PLD5: variants seen among roughly 807,000 people sequenced by gnomAD.
PLD5 encodes inactive phospholipase D5.
PLD5 carries 36 observed loss-of-function variants against 61.1 expected under a neutral mutation model. That is an observed-to-expected ratio of 0.59 (90% CI 0.45 to 0.78). The LOEUF (loss-of-function observed/expected upper bound fraction) is 0.78. Ranked by LOEUF, PLD5 falls within the 30% of genes least tolerant of loss-of-function variation. PLD5 has a pLI of 0.00. For missense variants in PLD5, 515 were observed against 644.4 expected (o/e 0.80, Z 2.17); for synonymous variants, 243 against 242.8 (o/e 1.00, Z -0.01).
intron 2 of PLD5, among the ~76,000 whole-genome samples, chr1:242,296,991 G>A (rs1416522911): frequency 1.3e-5 from 2 of 152,152 alleles, no homozygotes; most frequent in Non-Finnish European, 2.9e-5. Context: ...GGGATTACAG[G>A]CACACACTAC....
At chr1:242,125,824 C>A (rs1301369011) in intron 5 of PLD5, among the ~76,000 whole-genome samples, 3 of 152,130 alleles carry the variant, frequency 2.0e-5, no homozygotes, top group Admixed American at 1.3e-4. Context: ...CTCCCCAGTA[C>A]AACATGGCCT....
At chr1:242,180,186 A>G (rs1667433702) in intron 5 of PLD5, among the ~76,000 whole-genome samples, 1 of 152,176 alleles carries the variant, frequency 6.6e-6, no homozygotes, top group Admixed American at 6.5e-5. Context: ...TAGGGCACTC[A>G]TTGTGAGATG....
chr1:242,455,553 G>C (rs1002590116), intron 1 of PLD5, among the ~76,000 whole-genome samples: 5 of 152,182 alleles, frequency 3.3e-5, no homozygotes, highest in African/African-American at 1.2e-4. Context: ...AAAGGCAGCA[G>C]CCAGGTTCAG....
intron 2 of PLD5, among the ~76,000 whole-genome samples, chr1:242,305,560 T>A (rs1676298954): frequency 6.6e-6 from 1 of 150,548 alleles, no homozygotes; most frequent in Non-Finnish European, 1.5e-5. Flanking sequence ...TTCCATTTCT[T>A]ATTTTTTTTT....
At chr1:242,505,644 G>C (rs185470807) in intron 1 of PLD5, among the ~76,000 whole-genome samples, 117 of 152,326 alleles carry the variant, frequency 7.7e-4, no homozygotes, top group African/African-American at 2.7e-3. Flanking sequence ...TGATGGACCA[G>C]AGAAAGGGAG....
chr1:242,158,666 T>C (rs1233285243), intron 5 of PLD5, among the ~76,000 whole-genome samples: 1 of 152,068 alleles, frequency 6.6e-6, no homozygotes, highest in Non-Finnish European at 1.5e-5. Context: ...CCAATCCCAG[T>C]GAGATGAAAC....
intron 1 of PLD5, among the ~76,000 whole-genome samples, chr1:242,394,374 ATATG>A (rs1229583305): frequency 9.8e-6 from 1 of 102,526 alleles, no homozygotes; most frequent in African/African-American, 3.9e-5. Context: ...ATATGAGTAT[ATATG>A]TGTGTATATA....
At chr1:242,326,758 G>A (rs1302735855) in intron 2 of PLD5, among the ~76,000 whole-genome samples, 1 of 152,068 alleles carries the variant, frequency 6.6e-6, no homozygotes. Context: ...CCAGGCTAGA[G>A]TGCAGTGGCA....
intron 5 of PLD5, among the ~76,000 whole-genome samples, chr1:242,133,325 C>T (rs1251357859): frequency 2.6e-5 from 4 of 152,168 alleles, no homozygotes; most frequent in African/African-American, 9.7e-5. Flanking sequence ...AGGGTGTAAA[C>T]ATATAACCAA....
At chr1:242,307,850 C>A (rs1244068037) in intron 2 of PLD5, among the ~76,000 whole-genome samples, 3 of 152,140 alleles carry the variant, frequency 2.0e-5, no homozygotes, top group Non-Finnish European at 4.4e-5. Context: ...GAAAGGACCA[C>A]ATTAAGTCAC....
intron 1 of PLD5, among the ~76,000 whole-genome samples, chr1:242,512,276 C>T (rs965872644): frequency 6.6e-6 from 1 of 151,356 alleles, no homozygotes; most frequent in Non-Finnish European, 1.5e-5. Flanking sequence ...AAAAATTAGC[C>T]AGGCATGGTG....
At chr1:242,327,089 T>G (rs1658841141) in intron 2 of PLD5, among the ~76,000 whole-genome samples, 2 of 151,774 alleles carry the variant, frequency 1.3e-5, no homozygotes. Flanking sequence ...ATGGTCTCGA[T>G]CTCCTGACCT....
At chr1:242,181,697 T>G (rs1052157042) in intron 5 of PLD5, among the ~76,000 whole-genome samples, 3 of 151,968 alleles carry the variant, frequency 2.0e-5, no homozygotes, top group Non-Finnish European at 4.4e-5. Flanking sequence ...AGAGTCTCAC[T>G]CTGTCACCAG....
intron 5 of PLD5, among the ~76,000 whole-genome samples, chr1:242,183,968 A>T (rs1667707745): frequency 7.4e-6 from 1 of 135,708 alleles, no homozygotes; most frequent in Non-Finnish European, 1.6e-5. Flanking sequence ...GGTCCAAATG[A>T]CTTCATATTT....
chr1:242,117,531 G>A (rs960327997), intron 6 of PLD5, among the ~76,000 whole-genome samples: 22 of 152,006 alleles, frequency 1.4e-4, no homozygotes, highest in Non-Finnish European at 1.5e-4. Flanking sequence ...ATAGGTGCCC[G>A]CCACTACACC....
chr1:242,402,227 G>C (rs182156237), intron 1 of PLD5, among the ~76,000 whole-genome samples: 6 of 152,144 alleles, frequency 3.9e-5, no homozygotes, highest in Non-Finnish European at 8.8e-5. Context: ...AGAATAAATG[G>C]AACAAATAAG....
At chr1:242,470,870 G>T (rs910708447) in intron 1 of PLD5, among the ~76,000 whole-genome samples, 2 of 152,164 alleles carry the variant, frequency 1.3e-5, no homozygotes, top group Non-Finnish European at 2.9e-5. Flanking sequence ...GCCCAGCTCC[G>T]CTTGCTTGTA....
upstream of PLD5, among the ~76,000 whole-genome samples, chr1:242,524,850 C>T (rs1048490791): frequency 1.3e-5 from 2 of 151,722 alleles, no homozygotes; most frequent in African/African-American, 4.8e-5. Context: ...GGCGGCCGCG[C>T]TCCCGCTCCG....
rs951810371 is a variant in PLD5 at position 242,086,080 on chromosome 1, G to A, written c.*3774C>T. ...AGCTTCTATCCATCCCAGGTTCATCGAGGCACTTAAACCATTAACTGCATT... is the reference window on the plus strand; with the variant it reads ...AGCTTCTATCCATCCCAGGTTCATCAAGGCACTTAAACCATTAACTGCATT... On this transcript the variant is annotated 3_prime_UTR_variant, in exon 10 of 10. Transcript: ENST00000536534. 6.6e-6 allele frequency: 1 copy of A among 151,998 alleles called. No homozygotes were observed. Among genetic ancestry groups the A allele is most frequent in the Non-Finnish European group, 1.5e-5 (1 of 68,016 alleles). The allele number at this position is 151,998 out of a possible 1,614,324, so 9.4% of individuals were successfully genotyped here.
Sources: gnomAD v4.1 joint callset for allele counts (sites outside exome capture counted in the v4.1 genomes callset) on GRCh38, gnomAD v4.1.1 for gene constraint, MANE v1.5 for transcripts, NCBI Gene and HGNC (gene_info 2026-07-23, HGNC 2026-07-21) for gene names.